The following ATRNL1 variants were observed in gnomAD, a reference collection of about 807,000 sequenced individuals.
The protein encoded by ATRNL1 is attractin like 1.
A neutral mutation model predicts 182.7 loss-of-function variants in ATRNL1; 95 were observed. The ratio of observed to expected loss-of-function variants is 0.52; its 90% CI spans 0.44 to 0.62. The LOEUF is 0.62. ATRNL1 is among the 20% of genes least tolerant of loss of function. The pLI is 0.00. For synonymous variants in ATRNL1, 576 were observed against 568.3 expected, an observed-to-expected ratio of 1.01 and a Z score of -0.19; for missense variants, 1,471 against 1,679.5, an observed-to-expected ratio of 0.88 and a Z score of 2.17.
chr10:115,236,356 T>C (rs782559983), intron 9 of ATRNL1, among the ~76,000 whole-genome samples: 1 of 152,204 alleles, frequency 6.6e-6, no homozygotes, highest in Non-Finnish European at 1.5e-5. Context: ...TGCATAATGA[T>C]GCCATACAGC....
At chr10:115,103,680 A>G (rs1843879727) in intron 1 of ATRNL1, among the ~76,000 whole-genome samples, 1 of 151,992 alleles carries the variant, frequency 6.6e-6, no homozygotes, top group Non-Finnish European at 1.5e-5. Context: ...AACCATCCCC[A>G]TTTCCCCCAC....
intron 20 of ATRNL1, among the ~76,000 whole-genome samples, chr10:115,406,833 C>A (rs558982797): frequency 6.6e-6 from 1 of 152,056 alleles, no homozygotes; most frequent in Non-Finnish European, 1.5e-5. Context: ...ATTTGTATGT[C>A]TATAATGAGA....
intron 19 of ATRNL1, among the ~76,000 whole-genome samples, chr10:115,375,137 T>A (rs1240380173): frequency 6.6e-6 from 1 of 151,890 alleles, no homozygotes; most frequent in Non-Finnish European, 1.5e-5. Context: ...TATTAATATT[T>A]TCTTTATATA....
intron 5 of ATRNL1, among the ~76,000 whole-genome samples, chr10:115,132,559 T>C (rs28802034): frequency 0.011 from 1,623 of 151,964 alleles, 27 homozygotes; most frequent in African/African-American, 0.036. Context: ...AGTGTAAAAG[T>C]GTTCCTATTT....
intron 24 of ATRNL1, among the ~76,000 whole-genome samples, chr10:115,483,096 T>C (rs1252193378): frequency 6.6e-6 from 1 of 151,358 alleles, no homozygotes. Context: ...AATTATTATT[T>C]GTAATTATTA....
intron 27 of ATRNL1, among the ~76,000 whole-genome samples, chr10:115,757,978 G>A (rs781864189): frequency 6.6e-6 from 1 of 151,602 alleles, no homozygotes; most frequent in Non-Finnish European, 1.5e-5. Flanking sequence ...TATGCTTCAC[G>A]AAGTTCTCGT....
chr10:115,337,035 G>A (rs1401227982), intron 19 of ATRNL1, among the ~76,000 whole-genome samples: 4 of 125,528 alleles, frequency 3.2e-5, no homozygotes, highest in African/African-American at 8.7e-5. Context: ...TTTTTTTTTT[G>A]TATTTTTAAT....
At chr10:115,760,463 A>C (rs1201432161) in intron 27 of ATRNL1, among the ~76,000 whole-genome samples, 1 of 152,110 alleles carries the variant, frequency 6.6e-6, no homozygotes, top group South Asian at 2.1e-4. Context: ...TAAGTCTAGA[A>C]GACTTTTAAA....
At chr10:115,804,261 T>C (rs540478025) in intron 27 of ATRNL1, among the ~76,000 whole-genome samples, 1 of 152,266 alleles carries the variant, frequency 6.6e-6, no homozygotes, top group African/African-American at 2.4e-5. Context: ...TTGACTAACA[T>C]CTCCCCAGGA....
chr10:115,106,439 C>A (rs1554865975), intron 1 of ATRNL1, among the ~76,000 whole-genome samples: 1 of 152,104 alleles, frequency 6.6e-6, no homozygotes, highest in Non-Finnish European at 1.5e-5. Context: ...GTTGGGAAAG[C>A]ATCATTTGTT....
chr10:115,320,771 T>G (rs1211449813), intron 18 of ATRNL1, among the ~76,000 whole-genome samples: 1 of 152,128 alleles, frequency 6.6e-6, no homozygotes, highest in Non-Finnish European at 1.5e-5. Context: ...TCTAAACTGG[T>G]TATTCTAGTT....
chr10:115,407,790 T>A (rs1042832903), intron 20 of ATRNL1, among the ~76,000 whole-genome samples: 4 of 152,286 alleles, frequency 2.6e-5, no homozygotes, highest in Admixed American at 2.6e-4. Context: ...CTATTTTTAG[T>A]ATTTTGAGAA....
rs1301911588 is a variant in ATRNL1, at chr10:115,364,729, AG to A, written c.3176-29927del. 2.6e-5 allele frequency among the ~76,000 whole-genome samples: 4 copies of A among 152,036 alleles called. No individual in the cohort carries two copies. In the South Asian group the frequency reaches 8.3e-4, roughly 31 times the overall value. On this transcript the variant is annotated intron_variant, in intron 19 of 28. Transcript: ENST00000355044. ...AATTTATTGAGAGTTTTTATCATGA[AG>A]GGTTGTTGAATTTTGTCAAAGGCTT...
Position 115,160,159 on chromosome 10 carries a change from A to C in ATRNL1, c.949A>C (p.Met317Leu), listed in dbSNP as rs199717810. ...TAAAGCAGTTTTACACGGGAAATTTATGTGGGTGATTGGTGGATATACTTT... is the reference window on the plus strand; with the variant it reads ...TAAAGCAGTTTTACACGGGAAATTTCTGTGGGTGATTGGTGGATATACTTT... ...SHKAVLHGKF[M>L]WVIGGYTFNY... is the part of the protein sequence containing the mutation. Residue 317 changes from methionine to leucine, a missense_variant, in exon 6 of 29, where the codon ATG becomes CTG. Physicochemically the swap from Met to Leu is conservative, Grantham distance 15. Coordinates refer to ENST00000355044, the MANE Select transcript of ATRNL1 (RefSeq NM_207303.4). 6.2e-7 allele frequency: 1 copy of C among 1,612,718 alleles called. No individual in the cohort carries two copies. The highest frequency in any genetic ancestry group is 1.3e-5 in the African/African-American group (1 of 74,910).
intron 8 of ATRNL1, among the ~76,000 whole-genome samples, chr10:115,187,352 G>A (rs782624916): frequency 4.6e-5 from 7 of 151,974 alleles, no homozygotes; most frequent in East Asian, 1.9e-4. Flanking sequence ...GGGATGGATA[G>A]CTTTATTCTT....
intron 9 of ATRNL1, among the ~76,000 whole-genome samples, chr10:115,230,313 A>G (rs1554899663): frequency 6.6e-6 from 1 of 152,176 alleles, no homozygotes; most frequent in African/African-American, 2.4e-5. Context: ...GTTGCATTTA[A>G]AAAGAGTGGC....
chr10:115,093,803 G>T lies in ATRNL1; in HGVS notation c.53G>T (p.Gly18Val). ...RTGTPQPAAP[G>V]VWRARPAGGG... ...GGTACCCCGCAGCCAGCGGCCCCGG[G>T]GGTGTGGAGGGCTCGGCCGGCGGGC... Residue 18 changes from glycine (G) to valine (V), a missense_variant, in exon 1 of 29, where the codon GGG (glycine) becomes GTG (valine). Around this residue, in one of 3 missense-constraint regions of ATRNL1, gnomAD observed 1,031 missense variants for 1,156.0 expected, o/e 0.89. Transcript: ENST00000355044. This position sits in a 1 kb window ranked among gnomAD's most constrained non-coding sequence, Gnocchi z 6.1. The T allele has an allele frequency of 6.8e-7, 1 of 1,472,020 alleles. No individual in the cohort carries two copies. Among genetic ancestry groups the T allele is most frequent in the Non-Finnish European group, 9.0e-7 (1 of 1,114,312 alleles). The allele number at this position is 1,472,020 out of a possible 1,614,324, so 91.2% of individuals were successfully genotyped here.
intron 10 of ATRNL1, among the ~76,000 whole-genome samples, chr10:115,252,883 C>G (rs1370482594): frequency 6.6e-6 from 1 of 152,176 alleles, no homozygotes; most frequent in Non-Finnish European, 1.5e-5. Flanking sequence ...CTATTCCCTT[C>G]TATTGGCATG....
intron 28 of ATRNL1, among the ~76,000 whole-genome samples, chr10:115,919,939 A>G (rs1030241678): frequency 1.3e-5 from 2 of 152,154 alleles, no homozygotes; most frequent in Non-Finnish European, 2.9e-5. Flanking sequence ...AATCACCGCC[A>G]AAAGGCACCA....
Sources: allele counts gnomAD v4.1 joint callset (sites outside exome capture counted in the v4.1 genomes callset), GRCh38; gene constraint gnomAD v4.1.1; regional missense constraint gnomAD v4.1.1; non-coding constraint Gnocchi (gnomAD v3.1); transcripts MANE v1.5; gene names NCBI Gene and HGNC (gene_info 2026-07-23, HGNC 2026-07-21).